The following SLX4 variants were observed in gnomAD, a reference collection of about 807,000 sequenced individuals.
SLX4 encodes the protein SLX4 structure-specific endonuclease subunit, also known as structure-specific endonuclease subunit SLX4.
Under a neutral mutation model 146.2 loss-of-function variants are expected in SLX4, and 112 were observed. The observed-to-expected ratio is 0.77, with a 90% CI of 0.66 to 0.90. The LOEUF is 0.90. Ranked by LOEUF, SLX4 falls within the 40% of genes least tolerant of loss-of-function variation. The probability of loss-of-function intolerance (pLI) is 0.00; values close to 1 mark genes in which losing one functional copy is unlikely to be tolerated. For missense variants in SLX4, 2,563 were observed against 2,392.7 expected (o/e 1.07, Z -1.49); for synonymous variants, 1,061 against 997.7 (o/e 1.06, Z -1.20).
rs2151120784 is a variant in SLX4 at position 3,589,016 on chromosome 16, C to T, written c.4622G>A (p.Gly1541Glu). The T allele has an allele frequency of 1.2e-6, 2 of 1,614,110 alleles. No individual in the cohort carries two copies. Among genetic ancestry groups the T allele is most frequent in the African/African-American group, 2.7e-5 (2 of 75,064 alleles). Reference protein sequence around the residue: ...PSAGGAQKPEGLETPKGANRK... With the variant: ...PSAGGAQKPEELETPKGANRK... ...TGGCTACTCACTGGGTGTCTCTAAC[C>T]CTTCGGGCTTCTGAGCTCCACCAGC... Residue 1541 changes from glycine to glutamate, a missense_variant, in exon 12 of 15, where the codon GGG becomes GAG. Coordinates refer to ENST00000294008, the MANE Select transcript of SLX4 (RefSeq NM_032444.4). The surrounding 1 kb of genome is among the most constrained non-coding windows in gnomAD (Gnocchi z 6.2).
intron 11 of SLX4, among the ~76,000 whole-genome samples, chr16:3,591,975 C>T (rs139934850): frequency 1.6e-4 from 24 of 152,232 alleles, no homozygotes; most frequent in East Asian, 5.8e-4. Flanking sequence ...GGCAACACAG[C>T]GACACTCCGT....
chr16:3,584,518 G>A (rs912498556), intron 13 of SLX4, among the ~76,000 whole-genome samples: 4 of 152,298 alleles, frequency 2.6e-5, no homozygotes, highest in African/African-American at 9.6e-5. Flanking sequence ...GGGGTGACAT[G>A]CACGAATCCT....
At chr16:3,601,823 G>A (rs933259668) in intron 4 of SLX4, 1 of 408,426 alleles carries the variant, frequency 2.4e-6, no homozygotes, top group South Asian at 2.3e-5. Context: ...GGGAGTGGCT[G>A]CCAATGGGTG....
In SLX4 at chr16:3,606,579, C is replaced by T. The variant is rs752619814; in HGVS notation, c.655G>A (p.Ala219Thr). 3 of 1,614,090 alleles carry T rather than the reference C, an allele frequency of 1.9e-6. No individual in the cohort carries two copies. Among genetic ancestry groups the T allele is most frequent in the Non-Finnish European group, 2.5e-6 (3 of 1,180,060 alleles). Reference sequence around the variant, plus strand: ...GCGTGTCTCAAACGCTCGGGGTCTGCTCTCTTGAACTGCTGCATTCGCTGT... The same window carrying T: ...GCGTGTCTCAAACGCTCGGGGTCTGTTCTCTTGAACTGCTGCATTCGCTGT... The part of the protein sequence containing the change: ...VLQRMQQFKR[A>T]DPERLRHASE... Residue 219 changes from alanine to threonine, a missense_variant, in exon 3 of 15, where the codon GCA (alanine) becomes ACA (threonine). Transcript: ENST00000294008.
intron 10 of SLX4, among the ~76,000 whole-genome samples, chr16:3,594,105 G>A (rs1178119560): frequency 1.3e-5 from 2 of 152,140 alleles, no homozygotes; most frequent in African/African-American, 4.8e-5. Context: ...CTGACCTTGT[G>A]ATCTGCCCGC....
At chr16:3,588,694 C>G (rs928659666) in intron 12 of SLX4, among the ~76,000 whole-genome samples, 1 of 152,192 alleles carries the variant, frequency 6.6e-6, no homozygotes, top group Admixed American at 6.5e-5. Context: ...GAGTTGTGGC[C>G]TTTGGAGGTG....
rs1192642494 is a variant in SLX4 at position 3,595,591 on chromosome 16, G to C, written c.2013+14C>G. ...GGCCGGGACCAGAGAGCGCGGGCCA[G>C]AGCCAGTTCTTACCAAGGTGCGGCC... On this transcript the variant is annotated intron_variant, in intron 9 of 14. Coordinates refer to ENST00000294008, the MANE Select transcript of SLX4 (RefSeq NM_032444.4). The C allele has an allele frequency of 6.2e-7, 1 of 1,613,568 alleles. No individual in the cohort carries two copies. The highest frequency in any genetic ancestry group is 2.2e-5 in the East Asian group (1 of 44,878).
At chr16:3,588,873 G>T (rs1307999558) in intron 12 of SLX4, 129 bp downstream of exon 12, 3 of 1,154,108 alleles carry the variant, frequency 2.6e-6, no homozygotes, top group Non-Finnish European at 3.9e-6. Flanking sequence ...GAAGGCAGCG[G>T]AAGTGTCATG....
chr16:3,611,344 G>T (rs891647777), intron 1 of SLX4, among the ~76,000 whole-genome samples: 1 of 152,230 alleles, frequency 6.6e-6, no homozygotes, highest in Non-Finnish European at 1.5e-5. Context: ...ATCCGGATCC[G>T]CCACCCTCCT....
rs769688259 is a variant in SLX4, at chr16:3,590,168, G to A, written c.3470C>T (p.Ser1157Leu). ...EEDEVILLLD[S>L]DEELELEQTK... ...TTGTTCTAGCTCCAGCTCCTCATCC[G>A]AGTCCAGTAAGAGGATGACCTCATC... The change falls in exon 12 of 15, where the codon TCG becomes TTG. Residue 1157 changes from serine (S) to leucine (L), a missense_variant. By Grantham distance (145) the Ser-to-Leu change is moderately radical. Coordinates refer to ENST00000294008, the MANE Select transcript of SLX4 (RefSeq NM_032444.4). This position sits in a 1 kb window ranked among gnomAD's most constrained non-coding sequence, Gnocchi z 4.8. 1.5e-5 allele frequency: 24 copies of A among 1,614,024 alleles called. No homozygotes were observed. The highest frequency in any genetic ancestry group is 5.0e-5 in the Admixed American group (3 of 59,998).
intron 3 of SLX4, among the ~76,000 whole-genome samples, chr16:3,605,946 C>CA (rs1181232820): frequency 0.41 from 10,500 of 25,690 alleles, 2,022 homozygotes; most frequent in African/African-American, 0.45. Context: ...GACTCCATCT[C>CA]AAAAAAAAAA....
rs1168774151 is a variant in SLX4 at position 3,589,814 on chromosome 16, AT to A, written c.3823del (p.Ile1275SerfsTer13). On this transcript the variant is annotated frameshift_variant, in exon 12 of 15. Transcript: ENST00000294008. LOFTEE classifies it high-confidence loss of function. The surrounding 1 kb of genome is among the most constrained non-coding windows in gnomAD (Gnocchi z 6.2). ...RSRDCSSQTQ[I>X]SSLRSGLAVQ... ...GGCCAGCCCGCTCCTGAGGCTGCTG[AT>A]TTGGGTCTGGGAAGAACAGTCACGG... The A allele has an allele frequency of 1.2e-6, 2 of 1,613,318 alleles. No individual in the cohort carries two copies. The highest frequency in any genetic ancestry group is 1.7e-6 in the Non-Finnish European group (2 of 1,179,994).
chr16:3,591,412 A>G (rs2040594989), intron 11 of SLX4, 102 bp from the exon 12 acceptor site: 1 of 1,514,870 alleles, frequency 6.6e-7, no homozygotes, highest in East Asian at 2.3e-5. Flanking sequence ...ACCAGGAGGA[A>G]TGACCATGAC....
chr16:3,582,358 T>A lies in SLX4; in HGVS notation c.5489A>T (p.Lys1830Met), dbSNP rs2040447226. 1 of 1,612,356 alleles carries A rather than the reference T, an allele frequency of 6.2e-7. No individual in the cohort carries two copies. Among genetic ancestry groups the A allele is most frequent in the African/African-American group, 1.3e-5 (1 of 75,014 alleles). The change falls in exon 15 of 15, where the codon AAG becomes ATG. Residue 1830 changes from lysine to methionine, a missense_variant. Physicochemically the swap from Lys to Met is moderately conservative, Grantham distance 95. Coordinates refer to ENST00000294008, the MANE Select transcript of SLX4 (RefSeq NM_032444.4). ...GRRRQPRGKK[K>M]VERN The stretch of plus-strand genomic sequence containing the variant: ...ATGGCCCCATCAGTTCCGCTCCACC[T>A]TCTTCTTGCCCCGAGGCTGCCGCCT...
At chr16:3,595,731 C>T (rs1397597247) in intron 8 of SLX4, 38 bp from the exon 9 acceptor site, 2 of 1,606,122 alleles carry the variant, frequency 1.2e-6, no homozygotes, top group East Asian at 2.2e-5. Flanking sequence ...AACGTCACAG[C>T]CCAGCCACAT....
intron 2 of SLX4, 134 bp from the exon 3 acceptor site, chr16:3,606,832 G>C: frequency 2.2e-6 from 2 of 899,764 alleles, no homozygotes; most frequent in Non-Finnish European, 3.6e-6. Context: ...CAAATGTGAA[G>C]AGGACTGGTT....
Position 3,608,848 on chromosome 16 carries a change from T to G in SLX4, c.117A>C (p.Lys39Asn), listed in dbSNP as rs535049783. Residue 39 changes from lysine (K) to asparagine (N), a missense_variant, in exon 2 of 15, where the codon AAA becomes AAC. By Grantham distance (94) the Lys-to-Asn change is moderately conservative. Coordinates refer to ENST00000294008, the MANE Select transcript of SLX4 (RefSeq NM_032444.4). The stretch of plus-strand genomic sequence containing the variant: ...CAGACTCATCCATCATCTGACCAGT[T>G]TTAAGGCTTTCAGGCTGGTCTTCAG... ...RSSEDQPESL[K>N]TGQMMDESDE... is the part of the protein sequence containing the mutation. 3 of 1,614,134 alleles carry G rather than the reference T, an allele frequency of 1.9e-6. No individual in the cohort carries two copies. Among genetic ancestry groups the G allele is most frequent in the Non-Finnish European group, 2.5e-6 (3 of 1,180,034 alleles).
Position 3,583,170 on chromosome 16 carries a change from C to T in SLX4, c.5080G>A (p.Ala1694Thr), listed in dbSNP as rs1218491919. Residue 1694 changes from alanine (A) to threonine (T), a missense_variant, in exon 14 of 15, where the codon GCC becomes ACC. By Grantham distance (58) the Ala-to-Thr change is moderately conservative. Coordinates refer to ENST00000294008, the MANE Select transcript of SLX4 (RefSeq NM_032444.4). ...KEAPPGLNDD[A>T]QIPASQESVA... ...GATTCTTGAGAGGCTGGGATCTGGGCGTCATCATTGAGGCCTGGAGGTGCC... is the reference window on the plus strand; with the variant it reads ...GATTCTTGAGAGGCTGGGATCTGGGTGTCATCATTGAGGCCTGGAGGTGCC... 3.7e-6 allele frequency: 6 copies of T among 1,614,234 alleles called. No individual in the cohort carries two copies. Among genetic ancestry groups the T allele is most frequent in the South Asian group, 2.2e-5 (2 of 91,082 alleles).
intron 10 of SLX4, among the ~76,000 whole-genome samples, chr16:3,594,056 T>C (rs918583554): frequency 6.6e-6 from 1 of 151,956 alleles, no homozygotes; most frequent in African/African-American, 2.4e-5. Context: ...GTATTTTTAG[T>C]AGAGACTGGT....
Sources: allele counts gnomAD v4.1 joint callset (sites outside exome capture counted in the v4.1 genomes callset), GRCh38; gene constraint gnomAD v4.1.1; non-coding constraint Gnocchi (gnomAD v3.1); transcripts MANE v1.5; gene names NCBI Gene and HGNC (gene_info 2026-07-23, HGNC 2026-07-21).